SUCO: variants seen among roughly 807,000 people sequenced by gnomAD.
The protein encoded by SUCO is SUN domain-containing ossification factor.
A neutral mutation model predicts 148.1 loss-of-function variants in SUCO; 57 were observed. The observed-to-expected ratio is 0.38, with a 90% confidence interval of 0.31 to 0.48. The LOEUF (loss-of-function observed/expected upper bound fraction) is 0.48. Ranked by LOEUF, SUCO falls within the 20% of genes least tolerant of loss-of-function variation. The pLI is 0.96. For synonymous variants in SUCO, 470 were observed against 502.7 expected (o/e 0.93, Z 0.87); for missense variants, 1,331 against 1,468.2 (o/e 0.91, Z 1.53).
At chr1:172,584,048 C>A (rs576481745) in intron 15 of SUCO, among the ~76,000 whole-genome samples, 1 of 152,218 alleles carries the variant, frequency 6.6e-6, no homozygotes, top group Admixed American at 6.5e-5. Flanking sequence ...CCATACCTGT[C>A]CCCAGCCAAT....
intron 15 of SUCO, among the ~76,000 whole-genome samples, chr1:172,583,296 A>C (rs2149256114): frequency 6.6e-6 from 1 of 152,310 alleles, no homozygotes; most frequent in African/African-American, 2.4e-5. Flanking sequence ...TTGCCAGGTC[A>C]AAGGGCAATA....
At position 172,534,444 on chromosome 1, in the gene SUCO, G is replaced by A. The variant is rs1344717251; in HGVS notation, c.62+947G>A. 2.6e-5 allele frequency among the ~76,000 whole-genome samples: 4 copies of A among 152,292 alleles called. No homozygotes were observed. The East Asian group carries it at 7.7e-4, about 29-fold the overall frequency. ...TTCCTGTTTTGCTTATTTCTGCAAA[G>A]CACCAACACTATTTTCATTTTTATG... On this transcript the variant is annotated intron_variant, in intron 1 of 23. Transcript: ENST00000263688.
At chr1:172,550,115 T>G (rs762156282) in intron 1 of SUCO, among the ~76,000 whole-genome samples, 1 of 151,956 alleles carries the variant, frequency 6.6e-6, no homozygotes, top group Non-Finnish European at 1.5e-5. Context: ...CCTTTGCCTC[T>G]GTTATCTCAG....
intron 22 of SUCO, among the ~76,000 whole-genome samples, chr1:172,604,460 C>A (rs751323369): frequency 6.6e-6 from 1 of 151,722 alleles, no homozygotes; most frequent in East Asian, 1.9e-4. Context: ...TTGATTTTAC[C>A]TATTTTTACT....
In SUCO at chr1:172,538,530, G is replaced by A. The variant is rs370346918; in HGVS notation, c.62+5033G>A. On this transcript the variant is annotated intron_variant, in intron 1 of 23. Coordinates refer to ENST00000263688, the MANE Select transcript of SUCO (RefSeq NM_014283.5). The stretch of plus-strand genomic sequence containing the variant: ...TTTTGAAAATTCCCCAGGAAATCTG[G>A]AGGAATTTTTTTGCTTGTTTCTGCT... 4.7e-3 allele frequency among the ~76,000 whole-genome samples: 709 copies of A among 152,192 alleles called. 8 individuals carry two copies. The highest frequency in any genetic ancestry group is 0.016 in the African/African-American group (684 of 41,542).
chr1:172,597,092 A>G (rs2187876), intron 19 of SUCO, among the ~76,000 whole-genome samples: 90,458 of 152,166 alleles, frequency 0.59, 27,374 homozygotes, highest in African/African-American at 0.69. Context: ...CGAGCCATGC[A>G]CGGGATATAA....
At chr1:172,585,283 C>A in intron 16 of SUCO, 197 bp downstream of exon 16, 1 of 321,266 alleles carries the variant, frequency 3.1e-6, no homozygotes, top group Non-Finnish European at 4.5e-6. Flanking sequence ...AGAATACTGT[C>A]TATATAAAAC....
chr1:172,589,373 G>A lies in SUCO; in HGVS notation c.2272G>A (p.Gly758Arg). The A allele has an allele frequency of 6.2e-7, 1 of 1,613,584 alleles. No individual in the cohort carries two copies. The highest frequency in any genetic ancestry group is 8.5e-7 in the Non-Finnish European group (1 of 1,179,756). The change falls in exon 18 of 24, where the codon GGA (glycine) becomes AGA (arginine). Residue 758 changes from glycine to arginine, a missense_variant. Around this residue, in one of 3 missense-constraint regions of SUCO, gnomAD observed 992 missense variants for 1,093.5 expected, o/e 0.91. Transcript: ENST00000263688. ...ATCTGAGTCTGTTGAATATGAGGCA[G>A]GACATATACCATCACCAGTGATTCC... The part of the protein sequence containing the change: ...EVSESVEYEA[G>R]HIPSPVIPQE...
At chr1:172,600,655 T>C (rs1657440394) in intron 20 of SUCO, among the ~76,000 whole-genome samples, 1 of 151,978 alleles carries the variant, frequency 6.6e-6, no homozygotes, top group Non-Finnish European at 1.5e-5. Context: ...AATAAATAGA[T>C]GATAATTTCT....
At chr1:172,556,399 T>C (rs1653762568) in intron 4 of SUCO, among the ~76,000 whole-genome samples, 1 of 152,210 alleles carries the variant, frequency 6.6e-6, no homozygotes, top group Non-Finnish European at 1.5e-5. Context: ...ATTTCATTCA[T>C]TTTTATGTCT....
chr1:172,602,674 T>TA, intron 21 of SUCO, 22 bp from the exon 22 acceptor site: 1 of 1,607,660 alleles, frequency 6.2e-7, no homozygotes, highest in Non-Finnish European at 8.5e-7. Flanking sequence ...GTAACCAATA[T>TA]GTATTTTTCC....
At chr1:172,570,582 C>A (rs995296889) in intron 8 of SUCO, 81 bp from the exon 9 acceptor site, 2 of 922,540 alleles carry the variant, frequency 2.2e-6, no homozygotes, top group Non-Finnish European at 1.7e-6. Flanking sequence ...ATACAGAAGT[C>A]CCAGAAAACT....
At chr1:172,599,356 G>A in intron 19 of SUCO, 1 of 550,204 alleles carries the variant, frequency 1.8e-6, no homozygotes, top group Non-Finnish European at 2.3e-6. Context: ...GAAATTTTCA[G>A]TTAAAGTCTC....
chr1:172,549,659 T>C (rs1653127193), intron 1 of SUCO, among the ~76,000 whole-genome samples: 1 of 152,008 alleles, frequency 6.6e-6, no homozygotes, highest in Non-Finnish European at 1.5e-5. Context: ...CTTCCTTGGC[T>C]CTTCAGTTGC....
intron 22 of SUCO, chr1:172,608,112 T>TA (rs1202000147): frequency 8.1e-6 from 8 of 982,382 alleles, no homozygotes; most frequent in Non-Finnish European, 9.7e-6. Context: ...AACTTTGGGC[T>TA]AAAACTAATA....
intron 19 of SUCO, among the ~76,000 whole-genome samples, chr1:172,593,094 G>A (rs530822463): frequency 2.0e-5 from 3 of 152,244 alleles, no homozygotes; most frequent in African/African-American, 4.8e-5. Flanking sequence ...TTGGTGTATA[G>A]GAATGCTTGT....
chr1:172,574,232 TG>T (rs1655259178), intron 10 of SUCO, among the ~76,000 whole-genome samples: 1 of 152,038 alleles, frequency 6.6e-6, no homozygotes, highest in Non-Finnish European at 1.5e-5. Flanking sequence ...TCTTATAATG[TG>T]GGGAAACAGA....
At chr1:172,597,014 C>G (rs1558210914) in intron 19 of SUCO, among the ~76,000 whole-genome samples, 2 of 152,252 alleles carry the variant, frequency 1.3e-5, no homozygotes, top group African/African-American at 4.8e-5. Context: ...AGCCTCACTG[C>G]TGCCTTGCAG....
intron 1 of SUCO, chr1:172,544,180 G>A (rs1652701087): frequency 3.1e-6 from 3 of 958,734 alleles, no homozygotes; most frequent in African/African-American, 1.8e-5. Flanking sequence ...CTATATTTCT[G>A]TACAAGGGAT....
Sources: gnomAD v4.1 joint callset for allele counts (sites outside exome capture counted in the v4.1 genomes callset) on GRCh38, gnomAD v4.1.1 for gene constraint, gnomAD v4.1.1 regional missense constraint, MANE v1.5 for transcripts, NCBI Gene and HGNC (gene_info 2026-07-23, HGNC 2026-07-21) for gene names.